Variants in CFDP1 observed in about 807,000 individuals in gnomAD.
CFDP1 encodes the protein heterochromatin-stabilizing protein CFDP1.
Under a neutral mutation model 40.1 loss-of-function variants are expected in CFDP1, and 31 were observed. The ratio of observed to expected loss-of-function variants is 0.77; its 90% CI spans 0.58 to 1.04. The LOEUF (loss-of-function observed/expected upper bound fraction) is 1.04, where lower values mean the gene tolerates loss of function less well. Among genes scored for constraint, CFDP1 ranks in the 50% least tolerant of loss-of-function variants. CFDP1 has a pLI of 0.00. For missense variants in CFDP1, 423 were observed against 343.4 expected (o/e 1.23, Z -1.83); for synonymous variants, 167 against 120.0 (o/e 1.39, Z -2.56).
intron 4 of CFDP1, among the ~76,000 whole-genome samples, chr16:75,399,300 G>A (rs2079027829): frequency 6.6e-6 from 1 of 152,094 alleles, no homozygotes; most frequent in Non-Finnish European, 1.5e-5. Context: ...CTTAATGCAG[G>A]GTTCTGGAGT....
intron 2 of CFDP1, 136 bp from the exon 3 acceptor site, chr16:75,412,890 G>C (rs2079175263): frequency 1.8e-6 from 1 of 550,772 alleles, no homozygotes. Context: ...ATACTGAAGT[G>C]AGTAGAAGAG....
chr16:75,312,539 G>A (rs1233287194), intron 5 of CFDP1, among the ~76,000 whole-genome samples: 1 of 152,082 alleles, frequency 6.6e-6, no homozygotes, highest in African/African-American at 2.4e-5. Context: ...CAATAATGAA[G>A]GGCACTTACA....
At chr16:75,329,255 G>A (rs1447248395) in intron 5 of CFDP1, among the ~76,000 whole-genome samples, 1 of 152,156 alleles carries the variant, frequency 6.6e-6, no homozygotes, top group Non-Finnish European at 1.5e-5. Flanking sequence ...CAAAGTGCTA[G>A]GATTACAGGC....
chr16:75,325,592 G>A (rs960347239), intron 5 of CFDP1, among the ~76,000 whole-genome samples: 2 of 152,178 alleles, frequency 1.3e-5, no homozygotes, highest in African/African-American at 4.8e-5. Flanking sequence ...TTTCTCTGCT[G>A]TAGTGGAAAC....
intron 2 of CFDP1, 45 bp downstream of exon 2, chr16:75,414,533 G>A (rs967368815): frequency 4.4e-6 from 5 of 1,147,794 alleles, no homozygotes; most frequent in South Asian, 2.5e-5. Context: ...CAGGATGGTT[G>A]TGACAATAGC....
intron 5 of CFDP1, among the ~76,000 whole-genome samples, chr16:75,383,813 G>A (rs1166759809): frequency 5.1e-5 from 4 of 78,990 alleles, no homozygotes; most frequent in South Asian, 5.1e-4. Flanking sequence ...GCGAGACTCC[G>A]TCTTAAAAAA....
chr16:75,368,935 T>A (rs1490858154), intron 5 of CFDP1, among the ~76,000 whole-genome samples: 1 of 152,212 alleles, frequency 6.6e-6, no homozygotes, highest in East Asian at 1.9e-4. Flanking sequence ...GTATCAGTAC[T>A]TTCCTTTTTA....
At chr16:75,420,821 T>C (rs183308567) in intron 1 of CFDP1, among the ~76,000 whole-genome samples, 118 of 152,338 alleles carry the variant, frequency 7.7e-4, no homozygotes, top group East Asian at 3.1e-3. Flanking sequence ...ATTGACATGA[T>C]AGTCTCTAGG....
At chr16:75,349,458 A>C (rs2078592796) in intron 5 of CFDP1, among the ~76,000 whole-genome samples, 2 of 150,524 alleles carry the variant, frequency 1.3e-5, no homozygotes, top group Non-Finnish European at 3.0e-5. Context: ...GCGGTGAGCC[A>C]GGATCATGCC....
intron 4 of CFDP1, among the ~76,000 whole-genome samples, chr16:75,400,911 G>A (rs2079046343): frequency 6.6e-6 from 1 of 152,142 alleles, no homozygotes; most frequent in Non-Finnish European, 1.5e-5. Flanking sequence ...ACAGAAAATA[G>A]GGGGAAGTTG....
intron 4 of CFDP1, among the ~76,000 whole-genome samples, chr16:75,400,669 A>T (rs1482003393): frequency 6.6e-6 from 1 of 152,212 alleles, no homozygotes; most frequent in Non-Finnish European, 1.5e-5. Context: ...TTCTGAGAAA[A>T]GAGGAATTAT....
At chr16:75,294,096 C>T (rs1480775348) in intron 6 of CFDP1, 54 bp from the exon 7 acceptor site, 12 of 1,300,318 alleles carry the variant, frequency 9.2e-6, no homozygotes, top group Non-Finnish European at 1.2e-5. Flanking sequence ...AAACTCCTCC[C>T]CTGCACAGTC....
chr16:75,382,198 G>C (rs2078858389), intron 5 of CFDP1, among the ~76,000 whole-genome samples: 1 of 151,524 alleles, frequency 6.6e-6, no homozygotes, highest in African/African-American at 2.4e-5. Flanking sequence ...ACCATAATTA[G>C]ATGACATACT....
At chr16:75,316,240 T>C (rs2078322507) in intron 5 of CFDP1, among the ~76,000 whole-genome samples, 1 of 152,228 alleles carries the variant, frequency 6.6e-6, no homozygotes, top group African/African-American at 2.4e-5. Context: ...AACTCTCACT[T>C]GTAAAGGTAC....
intron 1 of CFDP1, among the ~76,000 whole-genome samples, chr16:75,429,104 C>CA (rs779647012): frequency 2.0e-5 from 3 of 151,682 alleles, no homozygotes; most frequent in East Asian, 2.0e-4. Context: ...ACAAGAGAGA[C>CA]AGAGTCTGTC....
At chr16:75,307,865 T>A (rs2078269173) in intron 5 of CFDP1, among the ~76,000 whole-genome samples, 2 of 152,218 alleles carry the variant, frequency 1.3e-5, no homozygotes, top group Admixed American at 1.3e-4. Flanking sequence ...AAGCCTTATC[T>A]CAGCTTTAAA....
Position 75,433,372 on chromosome 16 carries a change from G to C in CFDP1, c.-20C>G. On this transcript the variant is annotated 5_prime_UTR_variant, in exon 1 of 7. Coordinates refer to ENST00000283882, the MANE Select transcript of CFDP1 (RefSeq NM_006324.3). ...CTCCATGTTGCTGCCGCTCGACGCTGGTCAAACTCACAAGACCGCAGCAGC... is the reference window on the plus strand; with the variant it reads ...CTCCATGTTGCTGCCGCTCGACGCTCGTCAAACTCACAAGACCGCAGCAGC... 6.3e-7 allele frequency: 1 copy of C among 1,580,292 alleles called. No individual in the cohort carries two copies. The highest frequency in any genetic ancestry group is 8.6e-7 in the Non-Finnish European group (1 of 1,163,088).
intron 4 of CFDP1, among the ~76,000 whole-genome samples, chr16:75,407,927 G>T (rs927058108): frequency 1.3e-5 from 2 of 151,972 alleles, no homozygotes; most frequent in African/African-American, 4.8e-5. Flanking sequence ...AGGCAAAATG[G>T]TGAAACCCAT....
At chr16:75,392,791 A>G (rs1397571802) in intron 5 of CFDP1, among the ~76,000 whole-genome samples, 1 of 152,240 alleles carries the variant, frequency 6.6e-6, no homozygotes, top group African/African-American at 2.4e-5. Flanking sequence ...CACAGCTTAC[A>G]AAGTACTTGC....
Sources: gnomAD v4.1 joint callset for allele counts (sites outside exome capture counted in the v4.1 genomes callset) on GRCh38, gnomAD v4.1.1 for gene constraint, MANE v1.5 for transcripts, NCBI Gene and HGNC (gene_info 2026-07-23, HGNC 2026-07-21) for gene names.